MUC3A: variants seen among roughly 807,000 people sequenced by gnomAD.
The protein encoded by MUC3A is mucin 3A, cell surface associated.
In MUC3A, 109 loss-of-function variants were observed where a neutral mutation model predicts 109.0. That is an observed-to-expected ratio of 1.00 (90% CI 0.86 to 1.17). The LOEUF is 1.17. Among genes scored for constraint, MUC3A ranks in the 50% most tolerant of loss-of-function variants. MUC3A has a pLI of 0.00. For missense variants in MUC3A, 3,537 were observed against 2,469.4 expected (o/e 1.43, Z -9.16); for synonymous variants, 1,398 against 981.4 (o/e 1.42, Z -7.93).
chr7:100,965,450 G>C (rs1792499974), intron 7 of MUC3A, 103 bp downstream of exon 7: 4 of 1,525,772 alleles, frequency 2.6e-6, no homozygotes, highest in Non-Finnish European at 3.5e-6. Flanking sequence ...ACCTTTGGGG[G>C]AGGCAAGTCA....
chr7:100,966,554 AG>A lies in MUC3A; in HGVS notation c.9782del (p.Gly3261AlafsTer49). 1 of 1,424,738 alleles carries A rather than the reference AG, an allele frequency of 7.0e-7. No individual in the cohort carries two copies. The highest frequency in any genetic ancestry group is 1.6e-5 in the South Asian group (1 of 64,506). 88.3% of individuals were successfully genotyped at this position (1,424,738 alleles called of 1,614,324 possible). On this transcript the variant is annotated frameshift_variant, in exon 9 of 12. Coordinates refer to ENST00000379458, the MANE Select transcript of MUC3A (RefSeq NM_005960.2). LOFTEE classifies it high-confidence loss of function. ...CCGGATGGTGGGGCGGCCAGCGCCG[AG>A]GCCGGTGAGCGTGCGGGGGGCGGGG... ...RSGWWGGQRR[G>X]RSWDQDRKWF...
In MUC3A at chr7:100,955,955, T is replaced by C. The variant is rs1792085136; in HGVS notation, c.4176T>C (p.Thr1392=). The C allele has an allele frequency of 3.2e-5, 17 of 530,638 alleles. No individual in the cohort carries two copies. The highest frequency in any genetic ancestry group is 2.9e-5 in the Admixed American group (1 of 34,834). The allele number at this position is 530,638 out of a possible 1,614,324, so 32.9% of individuals were successfully genotyped here. Residue 1392 remains threonine (T), a synonymous_variant, in exon 2 of 12, where the codon ACT becomes ACC. Transcript: ENST00000379458. ...CTCCCCCCATCACTTCTTCAATCAC[T>C]CCCACCGATACAATGACTTCTATGA... ...TSTPPITSSI[T]PTDTMTSMRT...
chr7:100,957,212 T>C lies in MUC3A; in HGVS notation c.5433T>C (p.Ser1811=). The change falls in exon 2 of 12, where the codon AGT becomes AGC. Residue 1811 remains serine (S), a synonymous_variant. Transcript: ENST00000379458. ...TPVPSTEAIT[S]GTTNTTPLST... The stretch of plus-strand genomic sequence containing the variant: ...TCCCAAGTACAGAAGCGATCACCAG[T>C]GGTACCACAAACACCACCCCTCTAT... 4.2e-6 allele frequency: 2 copies of C among 472,666 alleles called. No homozygotes were observed. Among genetic ancestry groups the C allele is most frequent in the East Asian group, 6.9e-5 (2 of 29,152 alleles). The allele number at this position is 472,666 out of a possible 1,614,324, so 29.3% of individuals were successfully genotyped here. A position where few individuals can be genotyped will look rare whatever the true frequency, so the allele number is the denominator to read the frequency against.
chr7:100,966,273 C>T (rs1792549730), intron 8 of MUC3A, 113 bp from the exon 9 acceptor site: 2 of 1,211,942 alleles, frequency 1.7e-6, no homozygotes, highest in African/African-American at 1.6e-5. Flanking sequence ...GGTGGAACCC[C>T]CCGCTGCCCT....
chr7:100,951,012 G>GTTTTTGTTTTT (rs1181448876), intron 1 of MUC3A, among the ~76,000 whole-genome samples: 3 of 150,850 alleles, frequency 2.0e-5, no homozygotes, highest in Non-Finnish European at 1.5e-5. Context: ...TTTTGTTTTT[G>GTTTTTGTTTTT]TTTTTGTTTT....
At position 100,959,998 on chromosome 7, in the gene MUC3A, G is replaced by C; in HGVS notation, c.8219G>C (p.Ser2740Thr). Residue 2740 changes from serine (S) to threonine (T), a missense_variant, in exon 2 of 12, where the codon AGC becomes ACC. By Grantham distance (58) the Ser-to-Thr change is moderately conservative. Transcript: ENST00000379458. ...FPSLSSSATTSTSSTSSSLTT... is the reference protein window; with the variant it reads ...FPSLSSSATTTTSSTSSSLTT... ...AGTCTCTCTTCCTCTGCAACTACCAGCACTTCTTCAACCAGCTCCTCTCTG... is the reference window on the plus strand; with the variant it reads ...AGTCTCTCTTCCTCTGCAACTACCACCACTTCTTCAACCAGCTCCTCTCTG... The C allele has an allele frequency of 1.3e-6, 2 of 1,506,578 alleles. No homozygotes were observed. The highest frequency in any genetic ancestry group is 1.8e-4 in the Middle Eastern group (1 of 5,620). 93.3% of individuals were successfully genotyped at this position (1,506,578 alleles called of 1,614,324 possible).
chr7:100,960,077 C>G lies in MUC3A; in HGVS notation c.8298C>G (p.Thr2766=), dbSNP rs750670146. 2.0e-5 allele frequency: 30 copies of G among 1,515,906 alleles called. No homozygotes were observed. The highest frequency in any genetic ancestry group is 2.6e-5 in the Non-Finnish European group (30 of 1,142,132). 93.9% of individuals were successfully genotyped at this position (1,515,906 alleles called of 1,614,324 possible). Residue 2766 remains threonine (T), a synonymous_variant, in exon 2 of 12, where the codon ACC becomes ACG. Coordinates refer to ENST00000379458, the MANE Select transcript of MUC3A (RefSeq NM_005960.2). ...TPFSYISLPS[T]TPCPGTITIT... ...TTTCTTATATTTCCCTTCCCTCCACCACACCCTGTCCAGGAACTATAACAA... is the reference window on the plus strand; with the variant it reads ...TTTCTTATATTTCCCTTCCCTCCACGACACCCTGTCCAGGAACTATAACAA...
Position 100,967,862 on chromosome 7 carries a change from C to T in MUC3A, c.*700C>T, listed in dbSNP as rs878881785. The T allele has an allele frequency of 0.83, 124,497 of 150,168 alleles. 49,694 individuals are homozygous for T. The highest frequency in any genetic ancestry group is 1 in the East Asian group (5,154 of 5,164). 9.3% of individuals were successfully genotyped at this position (150,168 alleles called of 1,614,324 possible). A position where few individuals can be genotyped will look rare whatever the true frequency, so the allele number is the denominator to read the frequency against. The stretch of plus-strand genomic sequence containing the variant: ...CTTAGGATACCCAGGTGCTGTTCTC[C>T]CCGTCACCCCGTTGCCCAGTTCCCC... On this transcript the variant is annotated 3_prime_UTR_variant, in exon 12 of 12. Coordinates refer to ENST00000379458, the MANE Select transcript of MUC3A (RefSeq NM_005960.2).
Position 100,960,463 on chromosome 7 carries a change from C to T in MUC3A, c.8684C>T (p.Pro2895Leu). 1 of 1,598,642 alleles carries T rather than the reference C, an allele frequency of 6.3e-7. No individual in the cohort carries two copies. The highest frequency in any genetic ancestry group is 1.1e-5 in the South Asian group (1 of 91,092). Reference protein sequence around the residue: ...GVSTIPLTMKPSSSLPTILRT... With the variant: ...GVSTIPLTMKLSSSLPTILRT... ...TCTACCATCCCGCTCACCATGAAACCAAGCAGTAGCCTCCCGACCATCCTG... is the reference window on the plus strand; with the variant it reads ...TCTACCATCCCGCTCACCATGAAACTAAGCAGTAGCCTCCCGACCATCCTG... Residue 2895 changes from proline to leucine, a missense_variant, in exon 2 of 12, where the codon CCA (proline) becomes CTA (leucine). By Grantham distance (98) the Pro-to-Leu change is moderately conservative. Coordinates refer to ENST00000379458, the MANE Select transcript of MUC3A (RefSeq NM_005960.2).
Position 100,965,280 on chromosome 7 carries a change from A to G in MUC3A, c.9383-2A>G. On this transcript the variant is annotated splice_acceptor_variant, in intron 6 of 11. Coordinates refer to ENST00000379458, the MANE Select transcript of MUC3A (RefSeq NM_005960.2). LOFTEE classifies it high-confidence loss of function. ...ATTCCATCTGTGCCTGTGTTTCCGC[A>G]GCCCTGTGTTTTAAGCCTGACTCCA... The G allele has an allele frequency of 6.3e-7, 1 of 1,599,070 alleles. No homozygotes were observed. Among genetic ancestry groups the G allele is most frequent in the Non-Finnish European group, 8.5e-7 (1 of 1,179,666 alleles).
In MUC3A at chr7:100,967,101, C is replaced by A; in HGVS notation, c.9931-20C>A. 6.3e-7 allele frequency: 1 copy of A among 1,598,542 alleles called. No individual in the cohort carries two copies. ...AAACCAGTGGCTCCGCGTTCCCGTCCCTCACTGTGACTCTGACAGGTGCAC... is the reference window on the plus strand; with the variant it reads ...AAACCAGTGGCTCCGCGTTCCCGTCACTCACTGTGACTCTGACAGGTGCAC... On this transcript the variant is annotated intron_variant, in intron 11 of 11. Transcript: ENST00000379458.
Position 100,959,648 on chromosome 7 carries a change from C to T in MUC3A, c.7869C>T (p.Ile2623=). 7 of 1,598,526 alleles carry T rather than the reference C, an allele frequency of 4.4e-6. No homozygotes were observed. The highest frequency in any genetic ancestry group is 1.7e-4 in the Middle Eastern group (1 of 6,060). The change falls in exon 2 of 12, where the codon ATC becomes ATT. Residue 2623 remains isoleucine (I), a synonymous_variant. Transcript: ENST00000379458. ...CTCCATCAACAGCCTTGAGCACGAT[C>T]GTGTCAACATCACAGGTTCCTATTC... ...TLTPSTALST[I]VSTSQVPIPS...
In MUC3A at chr7:100,960,232, C is replaced by G. The variant is rs1412077613; in HGVS notation, c.8453C>G (p.Ser2818Cys). 2 of 1,598,258 alleles carry G rather than the reference C, an allele frequency of 1.3e-6. No individual in the cohort carries two copies. The highest frequency in any genetic ancestry group is 1.7e-6 in the Non-Finnish European group (2 of 1,179,598). The part of the protein sequence containing the change: ...FTTEMVTCPT[S>C]ISIQTTLTTY... ...ACCGAAATGGTCACCTGTCCTACCT[C>G]CATCAGTATCCAAACTACTCTTACT... is the stretch of plus-strand genomic sequence containing the variant. Residue 2818 changes from serine to cysteine, a missense_variant, in exon 2 of 12, where the codon TCC (serine) becomes TGC (cysteine). Coordinates refer to ENST00000379458, the MANE Select transcript of MUC3A (RefSeq NM_005960.2).
At chr7:100,965,560 C>A in intron 7 of MUC3A, 144 bp from the exon 8 acceptor site, 5 of 1,448,916 alleles carry the variant, frequency 3.5e-6, no homozygotes, top group Non-Finnish European at 4.6e-6. Context: ...GTGGCCTCCC[C>A]TCATCGAATC....
At chr7:100,963,871 C>A in intron 5 of MUC3A, 119 bp downstream of exon 5, 3 of 1,415,072 alleles carry the variant, frequency 2.1e-6, no homozygotes, top group Non-Finnish European at 1.9e-6. Context: ...GGAGGGGGTA[C>A]ATAAGGAATC....
At position 100,959,350 on chromosome 7, in the gene MUC3A, A is replaced by G. The variant is rs1333441744; in HGVS notation, c.7571A>G (p.His2524Arg). Reference sequence around the variant, plus strand: ...ATCAGTACCTTACCAACTCGAACACACATCATTTCATCTTCTCCCTCCATC... The same window carrying G: ...ATCAGTACCTTACCAACTCGAACACGCATCATTTCATCTTCTCCCTCCATC... ...TDISTLPTRTHIISSSPSIQS... is the reference protein window; with the variant it reads ...TDISTLPTRTRIISSSPSIQS... Residue 2524 changes from histidine (H) to arginine (R), a missense_variant, in exon 2 of 12, where the codon CAC (histidine) becomes CGC (arginine). His to Arg is a conservative substitution (Grantham distance 29, BLOSUM62 0). Transcript: ENST00000379458. 2.6e-6 allele frequency: 4 copies of G among 1,541,306 alleles called. No individual in the cohort carries two copies. The highest frequency in any genetic ancestry group is 1.9e-5 in the Admixed American group (1 of 52,822).
At position 100,954,046 on chromosome 7, in the gene MUC3A, A is replaced by C; in HGVS notation, c.2267A>C (p.Lys756Thr). 1 of 497,192 alleles carries C rather than the reference A, an allele frequency of 2.0e-6. No homozygotes were observed. Among genetic ancestry groups the C allele is most frequent in the Non-Finnish European group, 3.6e-6 (1 of 280,594 alleles). The allele number at this position is 497,192 out of a possible 1,614,324, so 30.8% of individuals were successfully genotyped here. The change falls in exon 2 of 12, where the codon AAA becomes ACA. Residue 756 changes from lysine (K) to threonine (T), a missense_variant. Physicochemically the swap from Lys to Thr is moderately conservative, Grantham distance 78 (BLOSUM62 -1). Coordinates refer to ENST00000379458, the MANE Select transcript of MUC3A (RefSeq NM_005960.2). ...SPLVSTAKTA[K>T]TPTTNLVTTT... ...TTGGTCTCAACTGCAAAAACAGCCA[A>C]AACTCCTACCACAAACTTGGTAACC...
chr7:100,963,582 G>T, intron 4 of MUC3A, 106 bp from the exon 5 acceptor site: 1 of 1,555,044 alleles, frequency 6.4e-7, no homozygotes, highest in East Asian at 2.3e-5. Context: ...ACGGCACCCG[G>T]CCGGGGAGGG....
intron 1 of MUC3A, 61 bp from the exon 2 acceptor site, chr7:100,951,780 T>G: frequency 1.3e-6 from 2 of 1,567,954 alleles, no homozygotes; most frequent in Non-Finnish European, 1.7e-6. Context: ...CTTACATGAG[T>G]GATGTAACAA....
Sources: allele counts gnomAD v4.1 joint callset (sites outside exome capture counted in the v4.1 genomes callset), GRCh38; gene constraint gnomAD v4.1.1; transcripts MANE v1.5; gene names NCBI Gene and HGNC (gene_info 2026-07-23, HGNC 2026-07-21).